AK5: variants seen among roughly 807,000 people sequenced by gnomAD.
AK5 encodes adenylate kinase 5.
Under a neutral mutation model 69.5 loss-of-function variants are expected in AK5, and 27 were observed. The observed-to-expected ratio is 0.39, with a 90% CI of 0.29 to 0.54. The LOEUF is 0.54. Ranked by LOEUF, AK5 falls within the 20% of genes least tolerant of loss-of-function variation. AK5 has a pLI of 0.71. For missense variants in AK5, 531 were observed against 700.4 expected, an observed-to-expected ratio of 0.76 and a Z score of 2.73; for synonymous variants, 260 against 244.4, an observed-to-expected ratio of 1.06 and a Z score of -0.60.
intron 1 of AK5, among the ~76,000 whole-genome samples, chr1:77,286,740 G>A (rs1028105978): frequency 1.3e-5 from 2 of 151,960 alleles, no homozygotes; most frequent in Admixed American, 6.5e-5. Flanking sequence ...CCAGCTACTC[G>A]GGAGGCTGAG....
At chr1:77,413,160 C>A (rs1460190593) in intron 7 of AK5, among the ~76,000 whole-genome samples, 1 of 152,150 alleles carries the variant, frequency 6.6e-6, no homozygotes, top group Non-Finnish European at 1.5e-5. Context: ...ACTGCCATAA[C>A]ATCCCCTCCC....
chr1:77,486,694 CAAAAAAA>C (rs879594150), intron 10 of AK5, among the ~76,000 whole-genome samples: 3 of 88,722 alleles, frequency 3.4e-5, no homozygotes. Flanking sequence ...AAGACTCTGT[CAAAAAAA>C]AAAAAAAAGG....
chr1:77,532,073 T>G (rs1230126425), intron 12 of AK5: 8 of 152,230 alleles, frequency 5.3e-5, no homozygotes, highest in Non-Finnish European at 1.2e-4. Flanking sequence ...CTGCAAGCGC[T>G]GCGCACAGTC....
chr1:77,369,591 G>A (rs902946411), intron 6 of AK5, among the ~76,000 whole-genome samples: 1 of 130,600 alleles, frequency 7.7e-6, no homozygotes, highest in South Asian at 2.7e-4. Context: ...CTGATCATGA[G>A]AGTTATATTA....
intron 8 of AK5, among the ~76,000 whole-genome samples, chr1:77,454,782 G>C (rs1653370888): frequency 6.6e-6 from 1 of 151,442 alleles, no homozygotes; most frequent in African/African-American, 2.4e-5. Flanking sequence ...TTCTTGAGTG[G>C]GTCTAAGTTG....
At chr1:77,473,125 C>G (rs1348179327) in intron 8 of AK5, among the ~76,000 whole-genome samples, 1 of 151,932 alleles carries the variant, frequency 6.6e-6, no homozygotes, top group Admixed American at 6.6e-5. Flanking sequence ...GAGGATTATT[C>G]TACCACAGAA....
intron 5 of AK5, among the ~76,000 whole-genome samples, chr1:77,317,085 G>T (rs1325299852): frequency 6.6e-6 from 1 of 152,138 alleles, no homozygotes; most frequent in Non-Finnish European, 1.5e-5. Flanking sequence ...CGCTTTTGAG[G>T]TTGCATTTAA....
At chr1:77,343,304 T>A (rs1661752387) in intron 6 of AK5, among the ~76,000 whole-genome samples, 1 of 152,152 alleles carries the variant, frequency 6.6e-6, no homozygotes. Flanking sequence ...TTAGTCCAGT[T>A]GAGAAACTTC....
At chr1:77,292,254 G>A (rs1310730949) in intron 2 of AK5, among the ~76,000 whole-genome samples, 1 of 152,346 alleles carries the variant, frequency 6.6e-6, no homozygotes, top group East Asian at 1.9e-4. Flanking sequence ...GGCAGAATAG[G>A]ATACTGTTGT....
chr1:77,356,293 C>T (rs944169659), intron 6 of AK5, among the ~76,000 whole-genome samples: 17 of 152,280 alleles, frequency 1.1e-4, no homozygotes, highest in Non-Finnish European at 2.4e-4. Context: ...ACACTTGGTA[C>T]ATAGTAAGTG....
chr1:77,368,236 TA>T (rs775512187), intron 6 of AK5, among the ~76,000 whole-genome samples: 20,510 of 35,824 alleles, frequency 0.57, 3,830 homozygotes, highest in Middle Eastern at 0.67. Context: ...TATATATATA[TA>T]TATATATATA....
chr1:77,494,805 G>A (rs1370956753), intron 10 of AK5, among the ~76,000 whole-genome samples: 2 of 149,012 alleles, frequency 1.3e-5, no homozygotes, highest in East Asian at 2.0e-4. Context: ...TTTTTGAGAC[G>A]GAGTCTTGCT....
At chr1:77,358,977 G>A (rs533366440) in intron 6 of AK5, among the ~76,000 whole-genome samples, 16 of 151,868 alleles carry the variant, frequency 1.1e-4, no homozygotes, top group African/African-American at 3.4e-4. Flanking sequence ...AATTACAGGC[G>A]GTGCATGGTG....
At chr1:77,557,652 C>A (rs568350897) in intron 13 of AK5, among the ~76,000 whole-genome samples, 1 of 152,030 alleles carries the variant, frequency 6.6e-6, no homozygotes, top group Non-Finnish European at 1.5e-5. Flanking sequence ...TTCTCCACAT[C>A]TCTCTCCCTC....
chr1:77,352,303 A>G (rs1662253641), intron 6 of AK5, among the ~76,000 whole-genome samples: 1 of 152,260 alleles, frequency 6.6e-6, no homozygotes, highest in African/African-American at 2.4e-5. Flanking sequence ...TTCAGTAAGC[A>G]CTTTCAATAT....
intron 5 of AK5, among the ~76,000 whole-genome samples, chr1:77,306,088 A>G (rs549024102): frequency 6.6e-6 from 1 of 152,192 alleles, no homozygotes; most frequent in Non-Finnish European, 1.5e-5. Context: ...ATGTGTAGCT[A>G]TTGCTCTAGC....
chr1:77,419,414 G>GA (rs147527249), intron 8 of AK5, among the ~76,000 whole-genome samples: 10,194 of 151,794 alleles, frequency 0.067, 503 homozygotes, highest in East Asian at 0.19. Context: ...AGAAAGAACA[G>GA]AAAAATCTGA....
intron 10 of AK5, among the ~76,000 whole-genome samples, chr1:77,486,646 C>T (rs1042523026): frequency 6.6e-6 from 1 of 150,440 alleles, no homozygotes; most frequent in Non-Finnish European, 1.5e-5. Flanking sequence ...TGCAGTGAGC[C>T]GAGATCGCGC....
At chr1:77,296,783 A>C (rs1322299715) in intron 3 of AK5, among the ~76,000 whole-genome samples, 1 of 152,196 alleles carries the variant, frequency 6.6e-6, no homozygotes, top group Non-Finnish European at 1.5e-5. Flanking sequence ...ATCTCATAGA[A>C]GTCTTTAATC....
Sources: allele counts gnomAD v4.1 joint callset (sites outside exome capture counted in the v4.1 genomes callset), GRCh38; gene constraint gnomAD v4.1.1; transcripts MANE v1.5; gene names NCBI Gene and HGNC (gene_info 2026-07-23, HGNC 2026-07-21).